The following DEPDC5 variants were observed in gnomAD, a reference collection of about 807,000 sequenced individuals.
DEPDC5 encodes the protein DEP domain containing 5, GATOR1 subcomplex subunit.
A neutral mutation model predicts 217.3 loss-of-function variants in DEPDC5; 73 were observed. The ratio of observed to expected loss-of-function variants is 0.34; its 90% CI spans 0.28 to 0.41. The LOEUF is 0.41. DEPDC5 is among the 10% of genes least tolerant of loss of function. The pLI is 1.00. For synonymous variants in DEPDC5, 733 were observed against 756.7 expected, an observed-to-expected ratio of 0.97 and a Z score of 0.51; for missense variants, 1,675 against 2,070.1, an observed-to-expected ratio of 0.81 and a Z score of 3.70.
chr22:31,874,032 A>G (rs1458608867), intron 35 of DEPDC5: 7 of 422,580 alleles, frequency 1.7e-5, no homozygotes, highest in Non-Finnish European at 2.5e-5. Context: ...ACCTCAGGTA[A>G]TCCACCCGCC....
intron 38 of DEPDC5, among the ~76,000 whole-genome samples, chr22:31,888,709 C>T (rs1274683968): frequency 1.3e-5 from 2 of 152,050 alleles, no homozygotes; most frequent in Admixed American, 6.6e-5. Context: ...GCCAGCATGC[C>T]TGGTTAATTT....
At chr22:31,870,796 A>T in intron 34 of DEPDC5, 52 bp downstream of exon 34, 2 of 1,443,362 alleles carry the variant, frequency 1.4e-6, no homozygotes, top group Non-Finnish European at 1.8e-6. Context: ...GGACAGTCTG[A>T]TCTCAAAGGC....
chr22:31,813,596 T>G (rs568363841), intron 20 of DEPDC5, among the ~76,000 whole-genome samples: 8 of 152,266 alleles, frequency 5.3e-5, no homozygotes, highest in African/African-American at 1.9e-4. Flanking sequence ...CTTTTGCTTC[T>G]CTATAGGGCT....
rs149255975 is a variant in DEPDC5 at position 31,883,314 on chromosome 22, T to C, written c.4033+3562T>C. ...GTAACTTCCCTAAGCAGGTGTCAAG[T>C]TGATGCGTGATAAGGGCGTGCTTTC... is the stretch of plus-strand genomic sequence containing the variant. On this transcript the variant is annotated intron_variant, in intron 38 of 42. Coordinates refer to ENST00000651528, the MANE Select transcript of DEPDC5 (RefSeq NM_001242896.3). 8.3e-4 allele frequency among the ~76,000 whole-genome samples: 127 copies of C among 152,192 alleles called. No homozygotes were observed. In the Middle Eastern group the frequency reaches 0.01, roughly 12 times the overall value.
At chr22:31,804,099 A>T in intron 15 of DEPDC5, 63 bp from the exon 16 acceptor site, 4 of 1,519,216 alleles carry the variant, frequency 2.6e-6, no homozygotes, top group Non-Finnish European at 3.6e-6. Context: ...CATGATTTAT[A>T]GATAGGGACA....
intron 39 of DEPDC5, among the ~76,000 whole-genome samples, chr22:31,896,791 T>G (rs911831736): frequency 6.6e-6 from 1 of 152,138 alleles, no homozygotes; most frequent in Non-Finnish European, 1.5e-5. Flanking sequence ...CTGAGTGAGT[T>G]GTTTTCCTAT....
At chr22:31,802,603 A>C in intron 14 of DEPDC5, 101 bp from the exon 15 acceptor site, 2 of 1,348,088 alleles carry the variant, frequency 1.5e-6, no homozygotes, top group Non-Finnish European at 2.0e-6. Context: ...GCTATAATAA[A>C]AATATGGGCA....
At chr22:31,874,158 T>C in intron 35 of DEPDC5, 115 bp from the exon 36 acceptor site, 1 of 1,431,180 alleles carries the variant, frequency 7.0e-7, no homozygotes, top group Non-Finnish European at 9.5e-7. Context: ...CATAGGGACA[T>C]TGCTTTATGG....
intron 26 of DEPDC5, among the ~76,000 whole-genome samples, chr22:31,837,891 T>C (rs138853157): frequency 0.025 from 3,790 of 151,806 alleles, 59 homozygotes; most frequent in African/African-American, 0.041. Flanking sequence ...TTAGTAGAGA[T>C]AGGGTTTCAC....
At chr22:31,806,292 G>T in intron 18 of DEPDC5, 101 bp downstream of exon 18, 4 of 1,040,056 alleles carry the variant, frequency 3.8e-6, no homozygotes, top group Non-Finnish European at 5.7e-6. Flanking sequence ...CTCCCAAAGT[G>T]TTGGGATTAC....
chr22:31,848,738 C>A (rs576247493), intron 31 of DEPDC5, among the ~76,000 whole-genome samples: 6 of 152,340 alleles, frequency 3.9e-5, no homozygotes, highest in Admixed American at 6.5e-5. Context: ...ATGCAAATTT[C>A]TGCAGTAGGC....
At chr22:31,808,735 T>G (rs1021046462) in intron 18 of DEPDC5, among the ~76,000 whole-genome samples, 2 of 150,476 alleles carry the variant, frequency 1.3e-5, no homozygotes, top group Non-Finnish European at 3.0e-5. Context: ...CCCAGCTAAT[T>G]TTTGTATTTT....
intron 7 of DEPDC5, among the ~76,000 whole-genome samples, chr22:31,773,457 C>G (rs1029610878): frequency 3.3e-5 from 5 of 152,196 alleles, no homozygotes; most frequent in Admixed American, 3.3e-4. Context: ...CTTGGCTCAG[C>G]CCCCTAGAGT....
chr22:31,754,800 C>T (rs2075179353), intron 1 of DEPDC5, 62 bp from the exon 2 acceptor site: 1 of 1,140,760 alleles, frequency 8.8e-7, no homozygotes, highest in Non-Finnish European at 1.3e-6. Flanking sequence ...GGCCTAAAAT[C>T]AAAGAGTGGT....
At chr22:31,827,116 G>C (rs2090213048) in intron 24 of DEPDC5, among the ~76,000 whole-genome samples, 2 of 151,838 alleles carry the variant, frequency 1.3e-5, no homozygotes, top group African/African-American at 4.8e-5. Context: ...GGGATCCTGG[G>C]GTTGTTTTTC....
intron 30 of DEPDC5, 43 bp downstream of exon 30, chr22:31,845,280 G>T (rs1378554972): frequency 2.5e-6 from 4 of 1,579,130 alleles, no homozygotes; most frequent in East Asian, 4.7e-5. Flanking sequence ...GGTGTGAGAT[G>T]CAGGGCCTGC....
intron 35 of DEPDC5, chr22:31,873,806 TTTTTG>T: frequency 6.5e-6 from 1 of 153,752 alleles, no homozygotes; most frequent in Non-Finnish European, 1.4e-5. Flanking sequence ...TTTTTTTTTT[TTTTTG>T]AGACAGAGTC....
rs555868480 is a variant in DEPDC5 at position 31,806,866 on chromosome 22, G to A, written c.1287+675G>A. Among the ~76,000 whole-genome samples, 12 of 152,256 alleles carry A rather than the reference G, an allele frequency of 7.9e-5. No individual in the cohort carries two copies. In the South Asian group the frequency reaches 1.7e-3, roughly 21 times the overall value. ...TTCTGTAAAAACTAAAAAAGAATTA[G>A]CCAGGTGTATTGGCACATACCTGTA... On this transcript the variant is annotated intron_variant, in intron 18 of 42. Coordinates refer to ENST00000651528, the MANE Select transcript of DEPDC5 (RefSeq NM_001242896.3).
At chr22:31,787,814 TAA>T (rs373550815) in intron 10 of DEPDC5, among the ~76,000 whole-genome samples, 30 of 127,330 alleles carry the variant, frequency 2.4e-4, no homozygotes, top group East Asian at 2.2e-4. Flanking sequence ...CCTGTCTCTT[TAA>T]AAAAAAAAAA....
Sources: allele counts gnomAD v4.1 joint callset (sites outside exome capture counted in the v4.1 genomes callset), GRCh38; gene constraint gnomAD v4.1.1; transcripts MANE v1.5; gene names NCBI Gene and HGNC (gene_info 2026-07-23, HGNC 2026-07-21).